CDC14A: variants seen among roughly 807,000 people sequenced by gnomAD.
CDC14A encodes the protein dual specificity protein phosphatase CDC14A.
In CDC14A, 53 loss-of-function variants were observed where a neutral mutation model predicts 74.4. The ratio of observed to expected loss-of-function variants is 0.71; its 90% CI spans 0.57 to 0.89. The LOEUF (loss-of-function observed/expected upper bound fraction) is 0.89, where lower values mean the gene tolerates loss of function less well. Among genes scored for constraint, CDC14A ranks in the 40% least tolerant of loss-of-function variants. CDC14A has a pLI of 0.00. For missense variants in CDC14A, 646 were observed against 713.7 expected, an observed-to-expected ratio of 0.91 and a Z score of 1.08; for synonymous variants, 247 against 258.4, an observed-to-expected ratio of 0.96 and a Z score of 0.43.
chr1:100,411,705 T>C (rs1660739159), intron 4 of CDC14A, among the ~76,000 whole-genome samples: 1 of 152,246 alleles, frequency 6.6e-6, no homozygotes, highest in Admixed American at 6.5e-5. Context: ...CATTCTTTCA[T>C]TGAACAAACA....
intron 7 of CDC14A, among the ~76,000 whole-genome samples, chr1:100,449,108 C>T (rs1427802314): frequency 6.6e-6 from 1 of 152,222 alleles, no homozygotes; most frequent in Non-Finnish European, 1.5e-5. Flanking sequence ...TTGCTATCTT[C>T]ACCTAAAGGG....
At chr1:100,348,820 T>C (rs1650661473), upstream of CDC14A, among the ~76,000 whole-genome samples, 1 of 152,268 alleles carries the variant, frequency 6.6e-6, no homozygotes, top group Non-Finnish European at 1.5e-5. Context: ...GTGAGTTTTC[T>C]AGAACTGCAG....
intron 2 of CDC14A, among the ~76,000 whole-genome samples, chr1:100,361,342 A>C (rs1652726386): frequency 6.6e-6 from 1 of 152,256 alleles, no homozygotes; most frequent in Non-Finnish European, 1.5e-5. Context: ...CATGCAGTAC[A>C]GGATAATACA....
At chr1:100,514,982 G>A (rs1316332151) in intron 15 of CDC14A, among the ~76,000 whole-genome samples, 1 of 152,164 alleles carries the variant, frequency 6.6e-6, no homozygotes, top group Admixed American at 6.5e-5. Flanking sequence ...TGGGATATTA[G>A]TAATTTTACA....
At chr1:100,408,317 T>C (rs1249322965) in intron 4 of CDC14A, among the ~76,000 whole-genome samples, 2 of 152,238 alleles carry the variant, frequency 1.3e-5, no homozygotes, top group Admixed American at 6.5e-5. Context: ...CATTCTACCA[T>C]TGATGGGTAT....
At chr1:100,473,563 T>A (rs1668600695) in intron 10 of CDC14A, among the ~76,000 whole-genome samples, 1 of 152,152 alleles carries the variant, frequency 6.6e-6, no homozygotes, top group Non-Finnish European at 1.5e-5. Flanking sequence ...ATTTTTTGTA[T>A]TTTTAGTAGA....
intron 3 of CDC14A, among the ~76,000 whole-genome samples, chr1:100,384,947 T>C (rs548302641): frequency 1.3e-5 from 2 of 152,294 alleles, no homozygotes; most frequent in Admixed American, 1.3e-4. Flanking sequence ...TTGGAACTTC[T>C]GGAATAATGA....
At chr1:100,361,590 A>G (rs1652756861) in intron 2 of CDC14A, among the ~76,000 whole-genome samples, 2 of 152,212 alleles carry the variant, frequency 1.3e-5, no homozygotes, top group Non-Finnish European at 2.9e-5. Context: ...TGAATGAGTG[A>G]GTAAGTGAAT....
At chr1:100,514,323 T>C (rs1017868725) in intron 15 of CDC14A, among the ~76,000 whole-genome samples, 3 of 152,222 alleles carry the variant, frequency 2.0e-5, no homozygotes, top group Non-Finnish European at 4.4e-5. Context: ...GATGTTCTTA[T>C]AATGAAAATT....
rs558126932 is a variant in CDC14A, at chr1:100,374,309, G to A, written c.141-3237G>A. Among the ~76,000 whole-genome samples, 485 of 152,110 alleles carry A rather than the reference G, an allele frequency of 3.2e-3. 6 individuals are homozygous for A. Among genetic ancestry groups the A allele is most frequent in the African/African-American group, 0.011 (473 of 41,434 alleles). On this transcript the variant is annotated intron_variant, in intron 2 of 15. Transcript: ENST00000336454. Reference sequence around the variant, plus strand: ...ATAGCAGCATGATTTATAGTCCTTTGGGTATATACCCAGTAATGGGATGGC... The same window carrying A: ...ATAGCAGCATGATTTATAGTCCTTTAGGTATATACCCAGTAATGGGATGGC...
At chr1:100,353,377 CCCTT>C (rs1301574506) in intron 1 of CDC14A, among the ~76,000 whole-genome samples, 1 of 152,228 alleles carries the variant, frequency 6.6e-6, no homozygotes, top group East Asian at 1.9e-4. Flanking sequence ...AAGTCTCTCT[CCCTT>C]CCTCTTTTTC....
chr1:100,400,046 T>C (rs1659059644), intron 4 of CDC14A, among the ~76,000 whole-genome samples: 1 of 152,234 alleles, frequency 6.6e-6, no homozygotes, highest in Admixed American at 6.5e-5. Flanking sequence ...ATAAATGTGC[T>C]TAATTGGAAC....
chr1:100,450,580 T>C (rs1666035043), intron 7 of CDC14A, among the ~76,000 whole-genome samples: 1 of 152,182 alleles, frequency 6.6e-6, no homozygotes, highest in South Asian at 2.1e-4. Context: ...TGTCTGGTAG[T>C]GTTCATTACA....
chr1:100,509,462 T>C (rs1649528454), intron 15 of CDC14A, among the ~76,000 whole-genome samples: 2 of 152,216 alleles, frequency 1.3e-5, no homozygotes, highest in African/African-American at 4.8e-5. Context: ...ACCTGTTTGA[T>C]TGTGGGTATA....
chr1:100,444,772 G>A (rs764639280), intron 7 of CDC14A, among the ~76,000 whole-genome samples: 1 of 152,060 alleles, frequency 6.6e-6, no homozygotes, highest in Non-Finnish European at 1.5e-5. Context: ...GGCTATTTGT[G>A]TACAAGCCTA....
At chr1:100,486,948 T>G (rs1197092101) in intron 11 of CDC14A, among the ~76,000 whole-genome samples, 1 of 152,214 alleles carries the variant, frequency 6.6e-6, no homozygotes, top group African/African-American at 2.4e-5. Context: ...GAAAATTCGC[T>G]TACTCAAAAT....
chr1:100,426,310 G>A (rs1662951998), intron 5 of CDC14A, among the ~76,000 whole-genome samples: 1 of 151,896 alleles, frequency 6.6e-6, no homozygotes, highest in Admixed American at 6.6e-5. Context: ...ATGGACTTTT[G>A]CCATGTCTGC....
At chr1:100,458,825 C>T (rs1666991896) in intron 8 of CDC14A, among the ~76,000 whole-genome samples, 1 of 151,710 alleles carries the variant, frequency 6.6e-6, no homozygotes, top group African/African-American at 2.4e-5. Flanking sequence ...AAAGGAAGCT[C>T]TAAAATCTTG....
At chr1:100,488,022 G>C (rs1249013523) in intron 11 of CDC14A, among the ~76,000 whole-genome samples, 1 of 152,218 alleles carries the variant, frequency 6.6e-6, no homozygotes, top group Non-Finnish European at 1.5e-5. Context: ...AAAAAGGACA[G>C]AGACATGAAA....
Sources: allele counts gnomAD v4.1 joint callset (sites outside exome capture counted in the v4.1 genomes callset), GRCh38; gene constraint gnomAD v4.1.1; transcripts MANE v1.5; gene names NCBI Gene and HGNC (gene_info 2026-07-23, HGNC 2026-07-21).